Variants in DRC11 observed in about 807,000 individuals in gnomAD.
DRC11 encodes IQ and AAA domain-containing protein 1.
chr2:236,393,062 G>A, the DRC11 span, among the ~76,000 whole-genome samples: 3 of 152,146 alleles, frequency 2.0e-5, no homozygotes, highest in Non-Finnish European at 4.4e-5. The surrounding 1 kb of genome is among the most constrained non-coding windows in gnomAD (Gnocchi z 4.7). Context: ...GCTGAGGTGT[G>A]GAATAGCTGG....
chr2:236,357,081 CTATATATTTTATATATT>C, the DRC11 span, among the ~76,000 whole-genome samples: 1 of 98,328 alleles, frequency 1.0e-5, no homozygotes, highest in Non-Finnish European at 1.8e-5. Flanking sequence ...TATTATATAT[CTATATATTTTATATATT>C]CGTATATTAT....
At chr2:236,370,485 G>A in the DRC11 span, among the ~76,000 whole-genome samples, 1 of 152,088 alleles carries the variant, frequency 6.6e-6, no homozygotes, top group Non-Finnish European at 1.5e-5. The surrounding 1 kb of genome is among the most constrained non-coding windows in gnomAD (Gnocchi z 5.5). Flanking sequence ...CCTGAGCAGC[G>A]GGCATCCAGC....
the DRC11 span, among the ~76,000 whole-genome samples, chr2:236,325,561 G>A: frequency 1.5e-4 from 22 of 150,956 alleles, no homozygotes; most frequent in Non-Finnish European, 2.9e-4. This position sits in a 1 kb window ranked among gnomAD's most constrained non-coding sequence, Gnocchi z 4.4. Context: ...GCTCTCTGAA[G>A]TTCTGTAAGT....
chr2:236,312,005 C>G, the DRC11 span, among the ~76,000 whole-genome samples: 3 of 152,122 alleles, frequency 2.0e-5, no homozygotes, highest in Non-Finnish European at 4.4e-5. Flanking sequence ...TAAGTAGATA[C>G]AAGCTTTTGT....
At chr2:236,438,004 T>C in the DRC11 span, among the ~76,000 whole-genome samples, 6 of 139,746 alleles carry the variant, frequency 4.3e-5, no homozygotes, top group Non-Finnish European at 9.3e-5. Context: ...GTTTTAGACA[T>C]GAAGTCCTTG....
At chr2:236,362,364 T>C in the DRC11 span, among the ~76,000 whole-genome samples, 2 of 152,180 alleles carry the variant, frequency 1.3e-5, no homozygotes, top group Admixed American at 6.5e-5. The surrounding 1 kb of genome is among the most constrained non-coding windows in gnomAD (Gnocchi z 5.7). Flanking sequence ...ACTCCTCCTC[T>C]TCTTCCTCCT....
chr2:236,307,759 C>T, the DRC11 span, among the ~76,000 whole-genome samples: 1 of 152,294 alleles, frequency 6.6e-6, no homozygotes, highest in South Asian at 2.1e-4. The surrounding 1 kb of genome is among the most constrained non-coding windows in gnomAD (Gnocchi z 7.0). Flanking sequence ...CTGATGGAAG[C>T]ATTTTCTCTA....
chr2:236,366,822 T>TTCTC, the DRC11 span, among the ~76,000 whole-genome samples: 1 of 141,878 alleles, frequency 7.0e-6, no homozygotes, highest in South Asian at 2.6e-4. Context: ...CTCTCTCTCT[T>TTCTC]TCTCTCTCTC....
At chr2:236,433,274 C>G in the DRC11 span, among the ~76,000 whole-genome samples, 1 of 152,162 alleles carries the variant, frequency 6.6e-6, no homozygotes, top group Non-Finnish European at 1.5e-5. Flanking sequence ...CTCCCTGCCT[C>G]CTCCCCGCCA....
chr2:236,353,536 G>A, the DRC11 span, among the ~76,000 whole-genome samples: 2 of 152,126 alleles, frequency 1.3e-5, no homozygotes, highest in Non-Finnish European at 2.9e-5. The surrounding 1 kb of genome is among the most constrained non-coding windows in gnomAD (Gnocchi z 5.0). Flanking sequence ...ACCCCTGGAC[G>A]TTTTGGAGGT....
the DRC11 span, among the ~76,000 whole-genome samples, chr2:236,434,125 A>G: frequency 6.6e-6 from 1 of 152,198 alleles, no homozygotes; most frequent in Non-Finnish European, 1.5e-5. The surrounding 1 kb of genome is among the most constrained non-coding windows in gnomAD (Gnocchi z 5.5). Context: ...GTGTTTTACT[A>G]ATTTAATGTG....
the DRC11 span, chr2:236,324,825 C>A: frequency 3.1e-6 from 4 of 1,296,664 alleles, no homozygotes; most frequent in Non-Finnish European, 4.4e-6. This position sits in a 1 kb window ranked among gnomAD's most constrained non-coding sequence, Gnocchi z 5.7. Flanking sequence ...AGAATGACAC[C>A]AATTCACCGC....
chr2:236,391,955 G>T, the DRC11 span: 13 of 1,604,136 alleles, frequency 8.1e-6, no homozygotes, highest in African/African-American at 2.7e-5. The surrounding 1 kb of genome is among the most constrained non-coding windows in gnomAD (Gnocchi z 4.5). Flanking sequence ...GCACCCCTCT[G>T]CAGGCTCCTT....
At chr2:236,323,286 T>TG in the DRC11 span, among the ~76,000 whole-genome samples, 1 of 151,828 alleles carries the variant, frequency 6.6e-6, no homozygotes, top group South Asian at 2.1e-4. The surrounding 1 kb of genome is among the most constrained non-coding windows in gnomAD (Gnocchi z 6.4). Flanking sequence ...GATGTTAGGG[T>TG]GGGGGAGTCT....
chr2:236,430,198 AACAC>A, the DRC11 span, among the ~76,000 whole-genome samples: 119 of 149,118 alleles, frequency 8.0e-4, no homozygotes, highest in African/African-American at 1.6e-3. This position sits in a 1 kb window ranked among gnomAD's most constrained non-coding sequence, Gnocchi z 6.0. Context: ...ATATACATAT[AACAC>A]ACACACACAC....
the DRC11 span, chr2:236,455,188 A>C: frequency 2.0e-5 from 3 of 152,294 alleles, no homozygotes; most frequent in Non-Finnish European, 4.4e-5. This position sits in a 1 kb window ranked among gnomAD's most constrained non-coding sequence, Gnocchi z 5.7. Flanking sequence ...ACTCCTCTGC[A>C]CCACGTGGCT....
the DRC11 span, among the ~76,000 whole-genome samples, chr2:236,491,040 T>C: frequency 2.2e-5 from 3 of 138,952 alleles, no homozygotes; most frequent in Non-Finnish European, 4.5e-5. Context: ...TGTATATATA[T>C]ATACAGTATA....
chr2:236,459,147 C>T, the DRC11 span, among the ~76,000 whole-genome samples: 1 of 152,110 alleles, frequency 6.6e-6, no homozygotes, highest in East Asian at 1.9e-4. Context: ...TTAGAGATCA[C>T]TTAAAGAAAA....
the DRC11 span, chr2:236,486,810 T>A: frequency 1.9e-6 from 3 of 1,555,192 alleles, no homozygotes; most frequent in South Asian, 3.4e-5. This position sits in a 1 kb window ranked among gnomAD's most constrained non-coding sequence, Gnocchi z 5.7. Context: ...CCAGATGCTA[T>A]CTCTTAAAAA....
Sources: allele counts gnomAD v4.1 joint callset (sites outside exome capture counted in the v4.1 genomes callset), GRCh38; gene constraint gnomAD v4.1.1; non-coding constraint Gnocchi (gnomAD v3.1); transcripts MANE v1.5; gene names NCBI Gene and HGNC (gene_info 2026-07-23, HGNC 2026-07-21).